Variants in AKAP13 observed in about 807,000 individuals in gnomAD.
AKAP13 encodes the protein A-kinase anchor protein 13.
AKAP13 carries 80 observed loss-of-function variants against 264.5 expected under a neutral mutation model. The ratio of observed to expected loss-of-function variants is 0.30; its 90% CI spans 0.25 to 0.36. The LOEUF (loss-of-function observed/expected upper bound fraction) is 0.36, where lower values mean the gene tolerates loss of function less well. Ranked by LOEUF, AKAP13 falls within the 10% of genes least tolerant of loss-of-function variation. AKAP13 has a pLI of 1.00. For missense variants in AKAP13, 3,712 were observed against 3,435.2 expected, an observed-to-expected ratio of 1.08 and a Z score of -2.01; for synonymous variants, 1,380 against 1,250.2, an observed-to-expected ratio of 1.10 and a Z score of -2.19.
At chr15:85,697,878 C>T (rs1034598179) in intron 17 of AKAP13, among the ~76,000 whole-genome samples, 10 of 152,282 alleles carry the variant, frequency 6.6e-5, no homozygotes, top group Middle Eastern at 3.4e-3. Flanking sequence ...TAATTGTACC[C>T]TTAAGTCCTT....
At chr15:85,571,059 G>A (rs2078802218) in intron 5 of AKAP13, among the ~76,000 whole-genome samples, 2 of 152,014 alleles carry the variant, frequency 1.3e-5, no homozygotes, top group Non-Finnish European at 2.9e-5. Context: ...AAGTAGGCAA[G>A]GTTAATGTTT....
intron 1 of AKAP13, among the ~76,000 whole-genome samples, chr15:85,464,356 A>G (rs538368731): frequency 1.5e-4 from 23 of 152,208 alleles, no homozygotes; most frequent in Admixed American, 5.9e-4. Flanking sequence ...TCCAGAGTTT[A>G]TAACTTTTGA....
intron 5 of AKAP13, among the ~76,000 whole-genome samples, chr15:85,556,225 T>C (rs1331710496): frequency 6.6e-6 from 1 of 152,224 alleles, no homozygotes; most frequent in African/African-American, 2.4e-5. Flanking sequence ...AAGTAAATAA[T>C]AAACCAACAA....
rs2078433890 is a variant in AKAP13 at position 85,562,674 on chromosome 15, T to G, written c.663-12457T>G. ...TGCTGTTATCCCACTTTCCTTTTCT[T>G]TCTTTTCTTTTCTTTTCTTTTTTTT... On this transcript the variant is annotated intron_variant, in intron 5 of 36. Transcript: ENST00000394518. Among the ~76,000 whole-genome samples, 2 of 103,728 alleles carry G rather than the reference T, an allele frequency of 1.9e-5. 1 individual carries two copies. The highest frequency in any genetic ancestry group is 7.4e-4 in the South Asian group (2 of 2,690). The allele number at this position is 103,728 out of a possible 152,430, so 68.0% of individuals were successfully genotyped here. A position where few individuals can be genotyped will look rare whatever the true frequency, so the allele number is the denominator to read the frequency against.
chr15:85,710,614 A>C lies in AKAP13; in HGVS notation c.5568A>C (p.Ser1856=). The C allele has an allele frequency of 6.2e-7, 1 of 1,614,000 alleles. No individual in the cohort carries two copies. The highest frequency in any genetic ancestry group is 1.7e-5 in the Admixed American group (1 of 59,990). The stretch of plus-strand genomic sequence containing the variant: ...GGAGCCTTCAGGCACATGACACATC[A>C]TCACTGCCCACGGTCATTATGAGAA... ...PKGSLQAHDT[S]SLPTVIMRNK... The change falls in exon 19 of 37, where the codon TCA becomes TCC. Residue 1856 remains serine, a synonymous_variant. Transcript: ENST00000394518.
intron 8 of AKAP13, among the ~76,000 whole-genome samples, chr15:85,619,084 A>C (rs776723655): frequency 4.7e-4 from 72 of 152,116 alleles, no homozygotes; most frequent in Admixed American, 2.6e-4. Flanking sequence ...CTTTATTAGC[A>C]TACTACTCTG....
intron 1 of AKAP13, among the ~76,000 whole-genome samples, chr15:85,418,339 C>G (rs2072343003): frequency 6.6e-6 from 1 of 152,140 alleles, no homozygotes; most frequent in African/African-American, 2.4e-5. Context: ...ATCTTGGCCT[C>G]CCAAAGTGCT....
Position 85,635,048 on chromosome 15 carries a change from T to C in AKAP13, c.4162-4326T>C, listed in dbSNP as rs2082015012. ...GCTTTAAAAATTCCAGTGCAAGTCT[T>C]TGTGTGACAGTAGGTTTTGATTCTT... On this transcript the variant is annotated intron_variant, in intron 8 of 36. Coordinates refer to ENST00000394518, the MANE Select transcript of AKAP13 (RefSeq NM_007200.5). The C allele has an allele frequency of 7.5e-6, 3 of 398,094 alleles. No homozygotes were observed. In the South Asian group the frequency reaches 3.8e-4, roughly 51 times the overall value. The allele number at this position is 398,094 out of a possible 1,614,324, so 24.7% of individuals were successfully genotyped here.
At chr15:85,626,878 A>G (rs2081433958) in intron 8 of AKAP13, among the ~76,000 whole-genome samples, 1 of 152,126 alleles carries the variant, frequency 6.6e-6, no homozygotes, top group Non-Finnish European at 1.5e-5. Flanking sequence ...AATGAACAAG[A>G]ATTCCAATTT....
intron 5 of AKAP13, chr15:85,544,258 G>A: frequency 2.1e-6 from 1 of 475,040 alleles, no homozygotes; most frequent in Non-Finnish European, 4.1e-6. Context: ...TGTGGAGGTA[G>A]CATAACATTA....
chr15:85,612,418 T>C (rs2080682154), intron 8 of AKAP13, among the ~76,000 whole-genome samples: 1 of 152,250 alleles, frequency 6.6e-6, no homozygotes, highest in Admixed American at 6.5e-5. Context: ...GGTGGTTTTG[T>C]CTGAATCACA....
chr15:85,409,009 A>G (rs2071811031), intron 1 of AKAP13, among the ~76,000 whole-genome samples: 1 of 151,714 alleles, frequency 6.6e-6, no homozygotes, highest in Non-Finnish European at 1.5e-5. Flanking sequence ...TTTTTGTGAC[A>G]GTAGTCATCT....
chr15:85,423,404 G>A lies in AKAP13; in HGVS notation c.-12+42606G>A, dbSNP rs1384167803. Among the ~76,000 whole-genome samples, 4 of 152,332 alleles carry A rather than the reference G, an allele frequency of 2.6e-5. 1 individual carries two copies. In the East Asian group the frequency reaches 7.7e-4, roughly 29 times the overall value. ...TTTGTTGTCATTTCAACAATGCACAGCATCTGCACCAAGAGTAGATTCCAT... is the reference window on the plus strand; with the variant it reads ...TTTGTTGTCATTTCAACAATGCACAACATCTGCACCAAGAGTAGATTCCAT... On this transcript the variant is annotated intron_variant, in intron 1 of 36. Coordinates refer to ENST00000394518, the MANE Select transcript of AKAP13 (RefSeq NM_007200.5).
chr15:85,731,527 T>A (rs192876414), intron 30 of AKAP13, among the ~76,000 whole-genome samples: 12 of 152,332 alleles, frequency 7.9e-5, no homozygotes, highest in Admixed American at 7.2e-4. Flanking sequence ...GTTGTCTGTT[T>A]CCTTCAGATT....
Position 85,434,283 on chromosome 15 carries a change from C to G in AKAP13, c.-11-51427C>G, listed in dbSNP as rs2073164593. 6.6e-5 allele frequency among the ~76,000 whole-genome samples: 10 copies of G among 152,058 alleles called. No homozygotes were observed. In the South Asian group the frequency reaches 2.1e-3, roughly 31 times the overall value. The stretch of plus-strand genomic sequence containing the variant: ...CAGACCGGCTTAAAAAACGGCGAAC[C>G]ACGAGATTATATCCCACACCTGGCT... On this transcript the variant is annotated intron_variant, in intron 1 of 36. Transcript: ENST00000394518.
At chr15:85,646,021 C>A in intron 10 of AKAP13, 67 bp downstream of exon 10, 1 of 1,564,332 alleles carries the variant, frequency 6.4e-7, no homozygotes, top group Non-Finnish European at 8.6e-7. Flanking sequence ...GCTTCCCAAA[C>A]TCTTTTCCAA....
At chr15:85,409,821 C>T (rs1041466381) in intron 1 of AKAP13, among the ~76,000 whole-genome samples, 2 of 150,640 alleles carry the variant, frequency 1.3e-5, no homozygotes, top group Non-Finnish European at 3.0e-5. Flanking sequence ...TTAGTAGAGA[C>T]GGGGTTTCAC....
In AKAP13 at chr15:85,743,485, T is replaced by C. The variant is rs375982209; in HGVS notation, c.8059-7T>C. ...CAAGTGAAAACCCTTCTCTTGAATA[T>C]GTACAGGTTTCCCATCCACATACCA... On this transcript the variant is annotated splice_region_variant and splice_polypyrimidine_tract_variant and intron_variant, in intron 35 of 36. Transcript: ENST00000394518. 19 of 1,611,432 alleles carry C rather than the reference T, an allele frequency of 1.2e-5. No homozygotes were observed. In the South Asian group the frequency reaches 1.9e-4, roughly 16 times the overall value.
intron 11 of AKAP13, among the ~76,000 whole-genome samples, chr15:85,656,070 A>G (rs2083079124): frequency 6.6e-6 from 1 of 152,214 alleles, no homozygotes; most frequent in African/African-American, 2.4e-5. Flanking sequence ...TTGTCATATA[A>G]TGAGTGTTTA....
Sources: gnomAD v4.1 joint callset for allele counts (sites outside exome capture counted in the v4.1 genomes callset) on GRCh38, gnomAD v4.1.1 for gene constraint, MANE v1.5 for transcripts, NCBI Gene and HGNC (gene_info 2026-07-23, HGNC 2026-07-21) for gene names.